ALOXE3: variants seen among roughly 807,000 people sequenced by gnomAD.
ALOXE3 encodes the protein hydroperoxide isomerase ALOXE3.
In ALOXE3, 78 loss-of-function variants were observed where a neutral mutation model predicts 87.5. The ratio of observed to expected loss-of-function variants is 0.89; its 90% CI spans 0.74 to 1.08. The LOEUF is 1.08. ALOXE3 is among the 50% of genes least tolerant of loss of function. The probability of loss-of-function intolerance (pLI) is 0.00; values close to 1 mark genes in which losing one functional copy is unlikely to be tolerated. For missense variants in ALOXE3, 946 were observed against 912.4 expected, an observed-to-expected ratio of 1.04 and a Z score of -0.47; for synonymous variants, 363 against 370.8, an observed-to-expected ratio of 0.98 and a Z score of 0.24.
In ALOXE3 at chr17:8,110,426, A is replaced by T. The variant is rs752189060; in HGVS notation, c.1060T>A (p.Trp354Arg). 3 of 1,612,022 alleles carry T rather than the reference A, an allele frequency of 1.9e-6. No individual in the cohort carries two copies. Among genetic ancestry groups the T allele is most frequent in the Admixed American group, 1.7e-5 (1 of 59,870 alleles). Reference protein sequence around the residue: ...QYVAAPLCLLWLSPQGALVPL... With the variant: ...QYVAAPLCLLRLSPQGALVPL... The stretch of plus-strand genomic sequence containing the variant: ...ACCAGCGCCCCCTGGGGGCTGAGCC[A>T]CAGCAGGCACAGTGGGGCGGCCACG... The change falls in exon 9 of 16, where the codon TGG (tryptophan) becomes AGG (arginine). Residue 354 changes from tryptophan (W) to arginine (R), a missense_variant. Trp to Arg is a moderately radical substitution (Grantham distance 101). Coordinates refer to ENST00000448843, the MANE Select transcript of ALOXE3 (RefSeq NM_021628.3).
intron 15 of ALOXE3, among the ~76,000 whole-genome samples, chr17:8,098,240 T>TTG (rs1978687650): frequency 7.7e-6 from 1 of 130,568 alleles, no homozygotes; most frequent in South Asian, 2.5e-4. Context: ...TTTTGTTTTT[T>TTG]TTTTTTTTTT....
In ALOXE3 at chr17:8,118,000, G is replaced by A. The variant is rs749991913; in HGVS notation, c.-10C>T. 2 of 1,610,068 alleles carry A rather than the reference G, an allele frequency of 1.2e-6. No homozygotes were observed. Among genetic ancestry groups the A allele is most frequent in the South Asian group, 2.2e-5 (2 of 90,812 alleles). ...GGCGGTACACTGCCATGATGGGAAG[G>A]AGGAAGGGATGCCCCGGCAACGCTG... On this transcript the variant is annotated 5_prime_UTR_variant, in exon 2 of 16. Transcript: ENST00000448843.
chr17:8,118,052 G>A lies in ALOXE3; in HGVS notation c.-62C>T, dbSNP rs772642792. The stretch of plus-strand genomic sequence containing the variant: ...CCGCAGCAGCAGCCGGCCTGGAGGA[G>A]AAGAGCGGCACGCCGGACAGGGCTG... On this transcript the variant is annotated 5_prime_UTR_variant, in exon 2 of 16. Coordinates refer to ENST00000448843, the MANE Select transcript of ALOXE3 (RefSeq NM_021628.3). 6.3e-7 allele frequency: 1 copy of A among 1,591,096 alleles called. No individual in the cohort carries two copies. The highest frequency in any genetic ancestry group is 1.1e-5 in the South Asian group (1 of 88,336).
chr17:8,099,653 T>G (rs1426374134), intron 15 of ALOXE3, among the ~76,000 whole-genome samples: 1 of 147,958 alleles, frequency 6.8e-6, no homozygotes, highest in Non-Finnish European at 1.5e-5. Flanking sequence ...GGAGTGAGAC[T>G]CTGTCTCAAA....
At chr17:8,098,473 C>T (rs1289938587) in intron 15 of ALOXE3, among the ~76,000 whole-genome samples, 1 of 151,986 alleles carries the variant, frequency 6.6e-6, no homozygotes, top group Non-Finnish European at 1.5e-5. Context: ...CTCCAAACCT[C>T]AGGTGATCCA....
rs187155290 is a variant in ALOXE3, at chr17:8,116,911, G to C, written c.217C>G (p.Arg73Gly). The change falls in exon 3 of 16, where the codon CGC becomes GGC. Residue 73 changes from arginine (R) to glycine (G), a missense_variant. Physicochemically the swap from Arg to Gly is moderately radical, Grantham distance 125. Coordinates refer to ENST00000448843, the MANE Select transcript of ALOXE3 (RefSeq NM_021628.3). ...ELLLLRVHKE[R>G]YAFFRKDSWY... ...GAGTCCTTGCGGAAGAAAGCGTAGC[G>C]CTCCTTGTGTACACGCAGCAGCAAG... is the stretch of plus-strand genomic sequence containing the variant. The C allele has an allele frequency of 1.7e-5, 27 of 1,614,240 alleles. No individual in the cohort carries two copies. The East Asian group carries it at 2.7e-4, about 16-fold the overall frequency.
intron 15 of ALOXE3, among the ~76,000 whole-genome samples, chr17:8,101,325 G>A (rs1978911135): frequency 6.6e-6 from 1 of 152,128 alleles, no homozygotes; most frequent in African/African-American, 2.4e-5. Context: ...ACCACGCCTG[G>A]CTGCCAAGCA....
intron 13 of ALOXE3, among the ~76,000 whole-genome samples, chr17:8,106,964 T>C (rs1216193563): frequency 6.6e-6 from 1 of 152,242 alleles, no homozygotes; most frequent in African/African-American, 2.4e-5. Context: ...AAATGCTGTA[T>C]ATGAATCTAC....
rs1978529862 is a variant in ALOXE3 at position 8,096,160 on chromosome 17, CCTT to C, written c.*464_*466del. 1 of 179,250 alleles carries C rather than the reference CCTT, an allele frequency of 5.6e-6. No individual in the cohort carries two copies. Among genetic ancestry groups the C allele is most frequent in the Non-Finnish European group, 1.2e-5 (1 of 83,702 alleles). 11.1% of individuals were successfully genotyped at this position (179,250 alleles called of 1,614,324 possible). On this transcript the variant is annotated 3_prime_UTR_variant, in exon 16 of 16. Coordinates refer to ENST00000448843, the MANE Select transcript of ALOXE3 (RefSeq NM_021628.3). The stretch of plus-strand genomic sequence containing the variant: ...CACATGTTAGACCCAGGCACACAGT[CCTT>C]CTGTGCCCAGTTTCCAGGCTTTTCC...
chr17:8,114,965 G>T lies in ALOXE3; in HGVS notation c.527C>A (p.Thr176Lys). 1 of 1,613,982 alleles carries T rather than the reference G, an allele frequency of 6.2e-7. No individual in the cohort carries two copies. Residue 176 changes from threonine (T) to lysine (K), a missense_variant, in exon 5 of 16, where the codon ACG becomes AAG. Thr to Lys is a moderately conservative substitution (Grantham distance 78). Transcript: ENST00000448843. ...ESDKKFALTK[T>K]TTCVDQGDSS... Reference sequence around the variant, plus strand: ...GTCACCCTGGTCTACACAAGTTGTCGTCTTTGTCAAGGCAAATTTCTTGTC... The same window carrying T: ...GTCACCCTGGTCTACACAAGTTGTCTTCTTTGTCAAGGCAAATTTCTTGTC...
At position 8,103,946 on chromosome 17, in the gene ALOXE3, C is replaced by G. The variant is rs1373099992; in HGVS notation, c.1785+169G>C. Among the ~76,000 whole-genome samples, 11 of 152,288 alleles carry G rather than the reference C, an allele frequency of 7.2e-5. No individual in the cohort carries two copies. The East Asian group carries it at 1.5e-3, about 21-fold the overall frequency. ...ATTACAACCTTGGACCCAGCTCCAC[C>G]CAGTCATCACCCAATGCCAACCCTT... is the stretch of plus-strand genomic sequence containing the variant. On this transcript the variant is annotated intron_variant, in intron 14 of 15. Transcript: ENST00000448843.
At chr17:8,117,749 G>T (rs1488821030) in intron 2 of ALOXE3, 95 bp downstream of exon 2, 9 of 1,542,416 alleles carry the variant, frequency 5.8e-6, no homozygotes, top group Admixed American at 1.9e-5. Context: ...GGTATCCTGA[G>T]TTCAGCAGGA....
Position 8,110,502 on chromosome 17 carries a change from G to C in ALOXE3, c.984C>G (p.Tyr328Ter). 6.2e-7 allele frequency: 1 copy of C among 1,614,002 alleles called. No homozygotes were observed. The highest frequency in any genetic ancestry group is 8.5e-7 in the Non-Finnish European group (1 of 1,179,926). ...LERGNIFLAD[Y>*]WILAEAPTHC... The stretch of plus-strand genomic sequence containing the variant: ...GGGTGGGGGCCTCCGCCAGGATCCA[G>C]TAGTCCGCTAGGAAGATGTTCCCCC... The change falls in exon 9 of 16, where the codon TAC (tyrosine) becomes TAG (stop). Residue 328 changes from tyrosine (Y) to a stop codon, truncating the protein, a stop_gained. Coordinates refer to ENST00000448843, the MANE Select transcript of ALOXE3 (RefSeq NM_021628.3). LOFTEE classifies it high-confidence loss of function.
chr17:8,114,075 GA>G (rs1980353296), intron 6 of ALOXE3, among the ~76,000 whole-genome samples: 1 of 151,970 alleles, frequency 6.6e-6, no homozygotes, highest in African/African-American at 2.4e-5. Flanking sequence ...GGCACCTGGG[GA>G]AGGGAGGGTG....
rs1568007218 is a variant in ALOXE3 at position 8,118,240 on chromosome 17, G to T, written c.-250C>A. The T allele has an allele frequency of 6.4e-7, 1 of 1,551,638 alleles. No individual in the cohort carries two copies. Among genetic ancestry groups the T allele is most frequent in the Non-Finnish European group, 8.7e-7 (1 of 1,146,998 alleles). On this transcript the variant is annotated 5_prime_UTR_variant, in exon 2 of 16. Coordinates refer to ENST00000448843, the MANE Select transcript of ALOXE3 (RefSeq NM_021628.3). ...CTTGCACTCTAATACTTGTTTGCTT[G>T]CCTCTGACACAGCCGGTCCCTCTGG...
intron 2 of ALOXE3, 86 bp from the exon 3 acceptor site, chr17:8,117,066 G>A (rs978069946): frequency 1.6e-5 from 20 of 1,228,724 alleles, no homozygotes; most frequent in Non-Finnish European, 1.7e-5. Flanking sequence ...CTACACCTAA[G>A]CCTATTCGGG....
chr17:8,111,098 A>C (rs3027209), intron 8 of ALOXE3, among the ~76,000 whole-genome samples: 1 of 151,930 alleles, frequency 6.6e-6, no homozygotes, highest in Non-Finnish European at 1.5e-5. Flanking sequence ...GCCTTCCTCA[A>C]AGATGTCCCT....
Position 8,116,828 on chromosome 17 carries a change from G to A in ALOXE3, c.300C>T (p.Pro100=). 5 of 1,614,220 alleles carry A rather than the reference G, an allele frequency of 3.1e-6. No individual in the cohort carries two copies. In the South Asian group the frequency reaches 5.5e-5, roughly 18 times the overall value. The change falls in exon 3 of 16, where the codon CCC becomes CCT. Residue 100 remains proline (P), a synonymous_variant. Transcript: ENST00000448843. ...AGTAGCCTTCAATCCACTGATAGCA[G>A]GGGAAGTGGGATACACTACCATCCG... The part of the protein sequence containing the change: ...TEPDGSVSHF[P]CYQWIEGYCT...
chr17:8,114,728 T>C, intron 5 of ALOXE3, 119 bp from the exon 6 acceptor site: 2 of 1,507,214 alleles, frequency 1.3e-6, no homozygotes, highest in South Asian at 2.3e-5. Flanking sequence ...TCCCGGCTCC[T>C]CCCCTGCCCT....
Sources: allele counts gnomAD v4.1 joint callset (sites outside exome capture counted in the v4.1 genomes callset), GRCh38; gene constraint gnomAD v4.1.1; transcripts MANE v1.5; gene names NCBI Gene and HGNC (gene_info 2026-07-23, HGNC 2026-07-21).